Variants in PDZD8 observed in about 807,000 individuals in gnomAD.
PDZD8 encodes PDZ domain containing 8.
PDZD8 carries 14 observed loss-of-function variants against 85.8 expected under a neutral mutation model. The ratio of observed to expected loss-of-function variants is 0.16; its 90% CI spans 0.11 to 0.26. The LOEUF (loss-of-function observed/expected upper bound fraction) is 0.26, where lower values mean the gene tolerates loss of function less well. Ranked by LOEUF, PDZD8 falls within the 10% of genes least tolerant of loss-of-function variation. PDZD8 has a pLI of 1.00. For synonymous variants in PDZD8, 592 were observed against 568.6 expected (o/e 1.04, Z -0.59); for missense variants, 1,197 against 1,424.3 (o/e 0.84, Z 2.57).
Position 117,279,488 on chromosome 10 carries a change from G to A in PDZD8, c.*3780C>T, listed in dbSNP as rs1397249909. ...AATGTTGTTGGAATAAAATACATAA[G>A]GTATCATTTTGACTGTGGATATTTA... On this transcript the variant is annotated 3_prime_UTR_variant, in exon 5 of 5. Transcript: ENST00000334464. 5 of 152,120 alleles carry A rather than the reference G, an allele frequency of 3.3e-5. No individual in the cohort carries two copies. Among genetic ancestry groups the A allele is most frequent in the African/African-American group, 1.2e-4 (5 of 41,410 alleles). The allele number at this position is 152,120 out of a possible 1,614,324, so 9.4% of individuals were successfully genotyped here.
rs149141868 is a variant in PDZD8, at chr10:117,330,254, C to T, written c.995+10726G>A. Among the ~76,000 whole-genome samples the T allele has an allele frequency of 1.1e-4, 17 of 152,134 alleles. No individual in the cohort carries two copies. In the East Asian group the frequency reaches 3.3e-3, roughly 29 times the overall value. ...AGAACTCAATTTTCCTCAATTTTCA[C>T]GACTTCCAAATCTAATCTTCAGTCC... On this transcript the variant is annotated intron_variant, in intron 2 of 4. Coordinates refer to ENST00000334464, the MANE Select transcript of PDZD8 (RefSeq NM_173791.5).
At chr10:117,303,362 A>G (rs956137623) in intron 3 of PDZD8, among the ~76,000 whole-genome samples, 1 of 152,208 alleles carries the variant, frequency 6.6e-6, no homozygotes, top group African/African-American at 2.4e-5. Flanking sequence ...GGTATCTGGC[A>G]GAAGAAATTT....
At chr10:117,371,186 T>A (rs1385476152) in intron 1 of PDZD8, among the ~76,000 whole-genome samples, 2 of 152,170 alleles carry the variant, frequency 1.3e-5, no homozygotes, top group East Asian at 3.8e-4. Context: ...TATTTATTTA[T>A]TTACTTATTT....
At chr10:117,338,581 T>C (rs1844555759) in intron 2 of PDZD8, among the ~76,000 whole-genome samples, 1 of 152,216 alleles carries the variant, frequency 6.6e-6, no homozygotes, top group Admixed American at 6.5e-5. Flanking sequence ...CCTTGACCCC[T>C]GTCCATCATC....
intron 3 of PDZD8, among the ~76,000 whole-genome samples, chr10:117,291,233 C>T (rs11197944): frequency 1.5e-5 from 1 of 65,172 alleles, no homozygotes; most frequent in African/African-American, 4.3e-5. Context: ...TACATTTATA[C>T]TTTATTAAGA....
chr10:117,283,052 C>T lies in PDZD8; in HGVS notation c.*216G>A, dbSNP rs1844593976. 4 of 461,564 alleles carry T rather than the reference C, an allele frequency of 8.7e-6. No homozygotes were observed. The highest frequency in any genetic ancestry group is 2.0e-5 in the African/African-American group (1 of 49,406). 28.6% of individuals were successfully genotyped at this position (461,564 alleles called of 1,614,324 possible). On this transcript the variant is annotated 3_prime_UTR_variant, in exon 5 of 5. Transcript: ENST00000334464. ...GTAAAAATAAATTCCCAGTATAAAC[C>T]CAAAAAAGCATAGCTATAAATGCAA...
chr10:117,371,224 G>A (rs187674768), intron 1 of PDZD8, among the ~76,000 whole-genome samples: 74 of 152,080 alleles, frequency 4.9e-4, no homozygotes, highest in South Asian at 2.1e-4. Context: ...TCACCCTGTC[G>A]CCCAGGCTGG....
Position 117,285,371 on chromosome 10 carries a change from T to C in PDZD8, c.1362A>G (p.Gln454=), listed in dbSNP as rs200748110. 2.2e-5 allele frequency: 35 copies of C among 1,614,180 alleles called. No homozygotes were observed. In the Admixed American group the frequency reaches 5.8e-4, roughly 27 times the overall value. ...CAAAGTTATCTTGCAGCACTGCACC[T>C]TGATTACTCTGGCCAACAGGCCTTT... ...YYERPVGQSN[Q]GAVLQDNFGQ... The change falls in exon 5 of 5, where the codon CAA becomes CAG. Residue 454 remains glutamine, a synonymous_variant. Transcript: ENST00000334464.
chr10:117,345,732 G>A (rs924081049), intron 1 of PDZD8, among the ~76,000 whole-genome samples: 1 of 152,108 alleles, frequency 6.6e-6, no homozygotes, highest in Admixed American at 6.5e-5. Context: ...CACACTGCCT[G>A]TGAGAAGGAC....
At chr10:117,321,749 T>A (rs1029368271) in intron 2 of PDZD8, among the ~76,000 whole-genome samples, 1 of 152,152 alleles carries the variant, frequency 6.6e-6, no homozygotes, top group Non-Finnish European at 1.5e-5. Context: ...AAGATTTTTT[T>A]AAAAAGATGT....
chr10:117,318,844 G>T, intron 3 of PDZD8, 28 bp downstream of exon 3: 5 of 1,429,784 alleles, frequency 3.5e-6, no homozygotes, highest in South Asian at 1.2e-5. Context: ...ACTTTATATA[G>T]ATATAAATCA....
intron 3 of PDZD8, among the ~76,000 whole-genome samples, chr10:117,302,699 T>C (rs1483739328): frequency 1.3e-5 from 2 of 152,122 alleles, no homozygotes; most frequent in Non-Finnish European, 2.9e-5. Context: ...AGAATTCACA[T>C]ATGTTGTGGG....
At chr10:117,310,487 A>G (rs1844017972) in intron 3 of PDZD8, among the ~76,000 whole-genome samples, 1 of 152,154 alleles carries the variant, frequency 6.6e-6, no homozygotes, top group Non-Finnish European at 1.5e-5. Context: ...ATAACTTCCT[A>G]TTCTTTCCCC....
intron 3 of PDZD8, among the ~76,000 whole-genome samples, chr10:117,313,207 C>T (rs750613089): frequency 6.6e-5 from 10 of 152,140 alleles, no homozygotes; most frequent in Non-Finnish European, 1.5e-4. Flanking sequence ...TAGTCACATG[C>T]TTCTGAGCCC....
intron 1 of PDZD8, among the ~76,000 whole-genome samples, chr10:117,366,565 T>C (rs1376668432): frequency 6.7e-6 from 1 of 150,076 alleles, no homozygotes; most frequent in Non-Finnish European, 1.5e-5. Flanking sequence ...CCACCACCAC[T>C]ACCACCACCA....
chr10:117,319,525 A>G (rs1055365163), intron 2 of PDZD8, among the ~76,000 whole-genome samples: 2 of 152,048 alleles, frequency 1.3e-5, no homozygotes, highest in Non-Finnish European at 1.5e-5. Context: ...CAAAAATAGT[A>G]CTTACCTCTG....
intron 1 of PDZD8, among the ~76,000 whole-genome samples, chr10:117,354,512 A>G (rs973983905): frequency 3.9e-5 from 6 of 152,086 alleles, no homozygotes; most frequent in Non-Finnish European, 1.5e-5. Context: ...CCATCTCCCT[A>G]TGTCTAAAGC....
rs766640501 is a variant in PDZD8 at position 117,374,350 on chromosome 10, G to C, written c.872+6C>G. On this transcript the variant is annotated splice_donor_region_variant and intron_variant, in intron 1 of 4. Transcript: ENST00000334464. This position sits in a 1 kb window ranked among gnomAD's most constrained non-coding sequence, Gnocchi z 7.8. ...AGCCAGGCCCCCTCCCCGACCTCCA[G>C]CTCACCTGATCTTGTAATTCGGTAG... 3.7e-6 allele frequency: 6 copies of C among 1,611,154 alleles called. No individual in the cohort carries two copies. The highest frequency in any genetic ancestry group is 5.1e-6 in the Non-Finnish European group (6 of 1,177,566).
chr10:117,324,285 C>A (rs540101848), intron 2 of PDZD8, among the ~76,000 whole-genome samples: 1 of 147,358 alleles, frequency 6.8e-6, no homozygotes, highest in African/African-American at 2.5e-5. Flanking sequence ...CAGAACATTT[C>A]AAGAGGACCT....
Sources: gnomAD v4.1 joint callset for allele counts (sites outside exome capture counted in the v4.1 genomes callset) on GRCh38, gnomAD v4.1.1 for gene constraint, Gnocchi (gnomAD v3.1) non-coding constraint, MANE v1.5 for transcripts, NCBI Gene and HGNC (gene_info 2026-07-23, HGNC 2026-07-21) for gene names.